Variants in METTL15 observed in about 807,000 individuals in gnomAD.
The protein encoded by METTL15 is 12S rRNA N(4)-cytidine methyltransferase METTL15.
Under a neutral mutation model 38.3 loss-of-function variants are expected in METTL15, and 34 were observed. That is an observed-to-expected ratio of 0.89 (90% CI 0.68 to 1.18). The LOEUF is 1.18. METTL15 is among the 50% of genes most tolerant of loss of function. The probability of loss-of-function intolerance (pLI) is 0.00; values close to 1 mark genes in which losing one functional copy is unlikely to be tolerated. For synonymous variants in METTL15, 162 were observed against 170.9 expected (o/e 0.95, Z 0.41); for missense variants, 438 against 498.4 (o/e 0.88, Z 1.15).
At chr11:28,294,737 G>A (rs1856666462) in intron 5 of METTL15, among the ~76,000 whole-genome samples, 1 of 152,096 alleles carries the variant, frequency 6.6e-6, no homozygotes, top group African/African-American at 2.4e-5. Flanking sequence ...CTATTCTGAA[G>A]CTGTCTAGCA....
rs1422361661 is a variant in METTL15 at position 28,413,645 on chromosome 11, G to C, written c.*359-10654G>C. ...ATGGAAGAGAAAGGGTTGGTCAGATGGATTGAAGGAATAGGAGGCAATGTC... is the reference window on the plus strand; with the variant it reads ...ATGGAAGAGAAAGGGTTGGTCAGATCGATTGAAGGAATAGGAGGCAATGTC... On this transcript the variant is annotated intron_variant and NMD_transcript_variant, in intron 5 of 7. Transcript: ENST00000532947. Among the ~76,000 whole-genome samples, 3 of 152,070 alleles carry C rather than the reference G, an allele frequency of 2.0e-5. No individual in the cohort carries two copies. The East Asian group carries it at 5.8e-4, about 29-fold the overall frequency.
At chr11:28,304,829 C>T (rs535261900) in intron 6 of METTL15, among the ~76,000 whole-genome samples, 37 of 152,228 alleles carry the variant, frequency 2.4e-4, no homozygotes, top group South Asian at 1.0e-3. Context: ...TGTTTAATAA[C>T]TTACATGTTG....
At chr11:28,273,993 C>T (rs186694467) in intron 4 of METTL15, among the ~76,000 whole-genome samples, 2 of 151,984 alleles carry the variant, frequency 1.3e-5, no homozygotes, top group Non-Finnish European at 2.9e-5. Context: ...GAGATTATTT[C>T]GTACTAATAT....
chr11:28,208,145 C>G (rs1852447553), intron 3 of METTL15, among the ~76,000 whole-genome samples: 1 of 152,112 alleles, frequency 6.6e-6, no homozygotes, highest in Admixed American at 6.6e-5. Context: ...TTCTTGCCTT[C>G]TGCTAACTTT....
At position 28,123,585 on chromosome 11, in the gene METTL15, G is replaced by A. The variant is rs572534811; in HGVS notation, c.270+9981G>A. On this transcript the variant is annotated intron_variant, in intron 3 of 6. Transcript: ENST00000407364. ...TGAAACAAATACCAGGAGGTAATAT[G>A]CATTTAAATGTTTTATTTTTCTTGG... is the stretch of plus-strand genomic sequence containing the variant. Among the ~76,000 whole-genome samples the A allele has an allele frequency of 9.2e-5, 14 of 152,100 alleles. No individual in the cohort carries two copies. In the East Asian group the frequency reaches 2.7e-3, roughly 29 times the overall value.
chr11:28,194,373 T>A (rs558038383), intron 3 of METTL15, among the ~76,000 whole-genome samples: 2 of 151,682 alleles, frequency 1.3e-5, no homozygotes, highest in African/African-American at 4.8e-5. Flanking sequence ...TAATTTTTTG[T>A]ATTTTTAGTA....
chr11:28,159,222 G>A (rs562300689), intron 3 of METTL15, among the ~76,000 whole-genome samples: 2 of 152,220 alleles, frequency 1.3e-5, no homozygotes, highest in African/African-American at 4.8e-5. Flanking sequence ...TACAGTGTTG[G>A]CTGGGGTGAT....
intron 3 of METTL15, among the ~76,000 whole-genome samples, chr11:28,181,730 T>G (rs1000691703): frequency 5.3e-5 from 8 of 152,134 alleles, no homozygotes; most frequent in Admixed American, 5.2e-4. Flanking sequence ...TGTGTGCATG[T>G]GTCTTTATAG....
At chr11:28,509,983 C>T (rs1851661386) in intron 6 of METTL15, among the ~76,000 whole-genome samples, 1 of 151,888 alleles carries the variant, frequency 6.6e-6, no homozygotes, top group Admixed American at 6.6e-5. Context: ...AGTAATTTTC[C>T]TGGATGCCCA....
chr11:28,486,269 G>A (rs1851438690), intron 6 of METTL15, among the ~76,000 whole-genome samples: 1 of 152,112 alleles, frequency 6.6e-6, no homozygotes, highest in Non-Finnish European at 1.5e-5. Context: ...TCACTCATGG[G>A]GGATGGTACA....
intron 6 of METTL15, among the ~76,000 whole-genome samples, chr11:28,518,506 T>A (rs1389848343): frequency 6.6e-6 from 1 of 152,186 alleles, no homozygotes; most frequent in Admixed American, 6.5e-5. Context: ...TGGGCAGGAA[T>A]GTCTATAAGC....
chr11:28,225,834 G>A (rs914328886), intron 4 of METTL15, among the ~76,000 whole-genome samples: 3 of 151,658 alleles, frequency 2.0e-5, no homozygotes, highest in Admixed American at 1.3e-4. Flanking sequence ...TTGTTGGTTA[G>A]ATGTGTATTA....
chr11:28,449,805 C>T (rs2133446568), intron 6 of METTL15, among the ~76,000 whole-genome samples: 1 of 152,238 alleles, frequency 6.6e-6, no homozygotes, highest in East Asian at 1.9e-4. Flanking sequence ...CGGAAAGACA[C>T]TAACACAGGA....
intron 6 of METTL15, among the ~76,000 whole-genome samples, chr11:28,513,030 A>G (rs1199028038): frequency 6.6e-6 from 1 of 152,214 alleles, no homozygotes; most frequent in Admixed American, 6.5e-5. Context: ...GAAAATTTGC[A>G]TGTAAGTGGA....
intron 3 of METTL15, among the ~76,000 whole-genome samples, chr11:28,210,219 G>A (rs1852569571): frequency 6.6e-6 from 1 of 151,980 alleles, no homozygotes; most frequent in Admixed American, 6.6e-5. Context: ...AGCATTGAGT[G>A]ATTTGTACTT....
intron 3 of METTL15, among the ~76,000 whole-genome samples, chr11:28,116,953 A>G (rs1851988705): frequency 6.6e-6 from 1 of 152,088 alleles, no homozygotes; most frequent in Non-Finnish European, 1.5e-5. Flanking sequence ...GTATTCTTAA[A>G]TGAATTTACG....
At chr11:28,393,206 A>G (rs1590358950) in intron 5 of METTL15, among the ~76,000 whole-genome samples, 1 of 152,162 alleles carries the variant, frequency 6.6e-6, no homozygotes, top group East Asian at 1.9e-4. Context: ...ACAGTATTTT[A>G]AAGAGGTATT....
chr11:28,271,153 TTC>T (rs1194767950), intron 4 of METTL15, among the ~76,000 whole-genome samples: 1 of 152,106 alleles, frequency 6.6e-6, no homozygotes, highest in Admixed American at 6.5e-5. Context: ...CAGAAAAGAT[TTC>T]TCTGGTCACA....
At chr11:28,162,522 T>C (rs1252799691) in intron 3 of METTL15, among the ~76,000 whole-genome samples, 2 of 152,184 alleles carry the variant, frequency 1.3e-5, no homozygotes, top group Non-Finnish European at 2.9e-5. Flanking sequence ...CATTAGCTAT[T>C]CTGGACTTTA....
Sources: allele counts gnomAD v4.1 joint callset (sites outside exome capture counted in the v4.1 genomes callset), GRCh38; gene constraint gnomAD v4.1.1; transcripts MANE v1.5; gene names NCBI Gene and HGNC (gene_info 2026-07-23, HGNC 2026-07-21).